The following JAM3 variants were observed in gnomAD, a reference collection of about 807,000 sequenced individuals.
JAM3 encodes the protein junctional adhesion molecule C.
JAM3 carries 31 observed loss-of-function variants against 39.4 expected under a neutral mutation model. That is an observed-to-expected ratio of 0.79 (90% CI 0.59 to 1.06). The LOEUF is 1.06. Among genes scored for constraint, JAM3 ranks in the 50% least tolerant of loss-of-function variants. The probability of loss-of-function intolerance (pLI) is 0.00; values close to 1 mark genes in which losing one functional copy is unlikely to be tolerated. For synonymous variants in JAM3, 182 were observed against 148.7 expected, an observed-to-expected ratio of 1.22 and a Z score of -1.63; for missense variants, 455 against 391.4, an observed-to-expected ratio of 1.16 and a Z score of -1.37.
chr11:134,091,550 A>G, intron 1 of JAM3, among the ~76,000 whole-genome samples: 1 of 150,528 alleles, frequency 6.6e-6, no homozygotes, highest in Admixed American at 6.6e-5. Context: ...AGGCATGGTA[A>G]GCCCAGAAGT....
chr11:134,129,236 C>A (rs1406055086), intron 1 of JAM3, among the ~76,000 whole-genome samples: 1 of 151,932 alleles, frequency 6.6e-6, no homozygotes, highest in East Asian at 1.9e-4. Context: ...CCTGCCTCAG[C>A]CTCCCAAGTA....
chr11:134,147,555 C>T lies in JAM3; in HGVS notation c.713-992C>T, dbSNP rs568543275. On this transcript the variant is annotated intron_variant, in intron 6 of 8. Coordinates refer to ENST00000299106, the MANE Select transcript of JAM3 (RefSeq NM_032801.5). Reference sequence around the variant, plus strand: ...AGGCTGGAGTGCAGTGGCACAATCTCGGCTCACTGCAAGCTCCGCCTCCCG... The same window carrying T: ...AGGCTGGAGTGCAGTGGCACAATCTTGGCTCACTGCAAGCTCCGCCTCCCG... Among the ~76,000 whole-genome samples the T allele has an allele frequency of 1.7e-4, 26 of 150,656 alleles. No homozygotes were observed. In the South Asian group the frequency reaches 3.4e-3, roughly 20 times the overall value.
At chr11:134,124,116 G>A (rs1310112903) in intron 1 of JAM3, 4 of 1,486,400 alleles carry the variant, frequency 2.7e-6, no homozygotes, top group Admixed American at 3.4e-5. Flanking sequence ...AGGGGGTGGA[G>A]CTCCATCATC....
intron 3 of JAM3, among the ~76,000 whole-genome samples, chr11:134,141,624 G>A (rs1011096852): frequency 2.6e-5 from 4 of 152,084 alleles, no homozygotes; most frequent in African/African-American, 7.2e-5. Flanking sequence ...GATTGGAGGC[G>A]GCACAACTCA....
At chr11:134,135,000 G>T (rs1411952748) in intron 1 of JAM3, among the ~76,000 whole-genome samples, 2 of 151,500 alleles carry the variant, frequency 1.3e-5, no homozygotes, top group African/African-American at 2.4e-5. Flanking sequence ...AATTTTTTTT[G>T]ATGAAGTCCA....
intron 1 of JAM3, chr11:134,070,313 T>G (rs1189701123): frequency 1.7e-5 from 7 of 423,994 alleles, no homozygotes; most frequent in Non-Finnish European, 3.3e-5. Context: ...GTTCTTAGAT[T>G]ATTTTATTGT....
chr11:134,145,087 T>C, intron 5 of JAM3, 93 bp downstream of exon 5: 1 of 1,087,160 alleles, frequency 9.2e-7, no homozygotes, highest in South Asian at 1.3e-5. Context: ...ATACTGAAAC[T>C]TCTTGATAAG....
At chr11:134,102,874 A>C (rs1361119480) in intron 1 of JAM3, among the ~76,000 whole-genome samples, 2 of 152,234 alleles carry the variant, frequency 1.3e-5, no homozygotes, top group Non-Finnish European at 2.9e-5. Context: ...AAAAGACCAA[A>C]TCTATGTCTG....
intron 3 of JAM3, among the ~76,000 whole-genome samples, chr11:134,142,557 T>C (rs900239306): frequency 1.3e-5 from 2 of 152,176 alleles, no homozygotes; most frequent in African/African-American, 4.8e-5. Context: ...CCTTCCCCTA[T>C]TTGTTGTTTT....
At chr11:134,110,858 G>C (rs1565492194) in intron 1 of JAM3, among the ~76,000 whole-genome samples, 1 of 152,042 alleles carries the variant, frequency 6.6e-6, no homozygotes. Flanking sequence ...ATTATACCTT[G>C]ATTGTTTTTT....
At chr11:134,091,651 C>G (rs1941857203) in intron 1 of JAM3, among the ~76,000 whole-genome samples, 1 of 150,648 alleles carries the variant, frequency 6.6e-6, no homozygotes, top group Non-Finnish European at 1.5e-5. Context: ...AAATTGTTGT[C>G]ATCTGAGTTA....
chr11:134,147,088 C>T (rs757135627), intron 6 of JAM3, among the ~76,000 whole-genome samples: 22 of 152,168 alleles, frequency 1.4e-4, no homozygotes, highest in Non-Finnish European at 2.2e-4. Flanking sequence ...TTGTTTTCTC[C>T]TGCAGTTTTG....
rs1371366107 is a variant in JAM3 at position 134,149,054 on chromosome 11, A to G, written c.898-92A>G. On this transcript the variant is annotated intron_variant, in intron 8 of 8. Transcript: ENST00000299106. The stretch of plus-strand genomic sequence containing the variant: ...GGTACTTTTTAAGAATGATTATTCC[A>G]TCTGTATTTAGCCCATGTTAGACTT... 7.6e-6 allele frequency: 11 copies of G among 1,438,654 alleles called. No individual in the cohort carries two copies. The African/African-American group carries it at 1.4e-4, about 18-fold the overall frequency. 89.1% of individuals were successfully genotyped at this position (1,438,654 alleles called of 1,614,324 possible).
intron 6 of JAM3, chr11:134,148,172 T>C: frequency 3.8e-6 from 1 of 261,550 alleles, no homozygotes; most frequent in South Asian, 5.3e-5. Context: ...CCCTGGAAAT[T>C]AGGGATTCTT....
intron 1 of JAM3, among the ~76,000 whole-genome samples, chr11:134,138,715 A>G (rs1322991194): frequency 3.3e-5 from 5 of 152,224 alleles, no homozygotes; most frequent in South Asian, 2.1e-4. Context: ...CCTTTGTTCT[A>G]TAACTTTTTG....
chr11:134,098,900 C>T (rs974412129), intron 1 of JAM3, among the ~76,000 whole-genome samples: 2 of 152,140 alleles, frequency 1.3e-5, no homozygotes, highest in Non-Finnish European at 2.9e-5. Flanking sequence ...AGAAAGCCTT[C>T]ATTTAAATGC....
chr11:134,080,234 G>A (rs1941642039), intron 1 of JAM3, among the ~76,000 whole-genome samples: 1 of 152,216 alleles, frequency 6.6e-6, no homozygotes, highest in African/African-American at 2.4e-5. Flanking sequence ...TAAAGCAGTA[G>A]CTGAGTAAAG....
At chr11:134,072,616 T>C (rs1397994969) in intron 1 of JAM3, among the ~76,000 whole-genome samples, 1 of 152,224 alleles carries the variant, frequency 6.6e-6, no homozygotes, top group Non-Finnish European at 1.5e-5. Context: ...AGCTGGATTC[T>C]CTTTTAAGAT....
At chr11:134,069,804 C>A (rs963053460) in intron 1 of JAM3, among the ~76,000 whole-genome samples, 1 of 152,204 alleles carries the variant, frequency 6.6e-6, no homozygotes, top group African/African-American at 2.4e-5. Flanking sequence ...TGGTCACAGC[C>A]CTCTGGGGAT....
Sources: allele counts gnomAD v4.1 joint callset (sites outside exome capture counted in the v4.1 genomes callset), GRCh38; gene constraint gnomAD v4.1.1; transcripts MANE v1.5; gene names NCBI Gene and HGNC (gene_info 2026-07-23, HGNC 2026-07-21).